Variants in ZNF385D observed in about 807,000 individuals in gnomAD.
The protein encoded by ZNF385D is zinc finger protein 659.
A neutral mutation model predicts 35.8 loss-of-function variants in ZNF385D; 15 were observed. The observed-to-expected ratio is 0.42, with a 90% CI of 0.28 to 0.64. ZNF385D has a LOEUF of 0.64. ZNF385D is among the 30% of genes least tolerant of loss of function. The pLI, the probability that ZNF385D is intolerant of heterozygous loss-of-function variation, is 0.23. For synonymous variants in ZNF385D, 212 were observed against 186.8 expected, an observed-to-expected ratio of 1.13 and a Z score of -1.10; for missense variants, 474 against 494.6, an observed-to-expected ratio of 0.96 and a Z score of 0.39.
intron 3 of ZNF385D, among the ~76,000 whole-genome samples, chr3:21,969,112 A>C (rs1439192323): frequency 6.6e-6 from 1 of 152,130 alleles, no homozygotes; most frequent in Non-Finnish European, 1.5e-5. Context: ...TGGTGGTCAT[A>C]GGGAGAGACT....
At chr3:22,271,112 A>G (rs1434643497) in intron 2 of ZNF385D, among the ~76,000 whole-genome samples, 2 of 151,976 alleles carry the variant, frequency 1.3e-5, no homozygotes, top group Non-Finnish European at 2.9e-5. Context: ...CCATCTATCC[A>G]TAAATTCAGT....
Position 21,732,030 on chromosome 3 carries a change from G to GTTTTTTTTTTT in ZNF385D, c.22+18854_22+18864dup, listed in dbSNP as rs1214143626. Among the ~76,000 whole-genome samples, 10 of 37,370 alleles carry GTTTTTTTTTTT rather than the reference G, an allele frequency of 2.7e-4. 1 individual carries two copies. Among genetic ancestry groups the GTTTTTTTTTTT allele is most frequent in the East Asian group, 1.7e-3 (2 of 1,188 alleles). The allele number at this position is 37,370 out of a possible 152,430, so 24.5% of individuals were successfully genotyped here. A position where few individuals can be genotyped will look rare whatever the true frequency, so the allele number is the denominator to read the frequency against. On this transcript the variant is annotated intron_variant, in intron 1 of 7. Transcript: ENST00000281523. ...TTCAGGGTTTTTTTCTTTTTTCGGG[G>GTTTTTTTTTTT]TTTTTTTTTTTTTTTTTTTTTTTTT...
intron 2 of ZNF385D, among the ~76,000 whole-genome samples, chr3:21,610,778 C>CAAA (rs71266438): frequency 2.4e-5 from 3 of 126,650 alleles, no homozygotes; most frequent in African/African-American, 3.5e-5. Flanking sequence ...CCGTCCCCCC[C>CAAA]AAAAAAAAAA....
At chr3:21,800,036 T>C (rs1182407849) in intron 3 of ZNF385D, among the ~76,000 whole-genome samples, 1 of 152,184 alleles carries the variant, frequency 6.6e-6, no homozygotes, top group Non-Finnish European at 1.5e-5. Context: ...TCTTTATTCT[T>C]GTTAAAAATC....
Position 21,663,406 on chromosome 3 carries a change from G to A in ZNF385D, c.165+1480C>T, listed in dbSNP as rs558986342. ...CCTAAAATGCTCTTAAGCTGACATG[G>A]GACCGCAGTGATGGGATGCCAAGTG... is the stretch of plus-strand genomic sequence containing the variant. On this transcript the variant is annotated intron_variant, in intron 2 of 7. Coordinates refer to ENST00000281523, the MANE Select transcript of ZNF385D (RefSeq NM_024697.3). Among the ~76,000 whole-genome samples the A allele has an allele frequency of 2.0e-5, 3 of 152,138 alleles. No homozygotes were observed. The East Asian group carries it at 5.8e-4, about 30-fold the overall frequency.
At chr3:21,421,885 T>G (rs532156871) in intron 7 of ZNF385D, among the ~76,000 whole-genome samples, 1 of 152,302 alleles carries the variant, frequency 6.6e-6, no homozygotes, top group East Asian at 1.9e-4. Flanking sequence ...ATAGAGAATG[T>G]TGTTTCCAAT....
intron 3 of ZNF385D, among the ~76,000 whole-genome samples, chr3:22,138,950 T>A (rs1033069252): frequency 3.3e-5 from 5 of 152,134 alleles, no homozygotes; most frequent in African/African-American, 9.6e-5. Flanking sequence ...GAATCTACAA[T>A]GAACTCCAAC....
chr3:21,854,017 G>C (rs1220268024), intron 3 of ZNF385D, among the ~76,000 whole-genome samples: 1 of 151,806 alleles, frequency 6.6e-6, no homozygotes, highest in Non-Finnish European at 1.5e-5. Flanking sequence ...GTGATTAAAA[G>C]GGCATATACA....
intron 3 of ZNF385D, among the ~76,000 whole-genome samples, chr3:21,765,566 T>G (rs940566793): frequency 2.6e-5 from 4 of 151,696 alleles, no homozygotes; most frequent in Admixed American, 2.6e-4. Flanking sequence ...TGTCAATTGG[T>G]GATGGGCCCC....
intron 3 of ZNF385D, among the ~76,000 whole-genome samples, chr3:22,035,774 T>C (rs1041729881): frequency 1.3e-5 from 2 of 152,282 alleles, no homozygotes; most frequent in African/African-American, 2.4e-5. Flanking sequence ...AGATGCAGAA[T>C]GTAGACTCCA....
intron 3 of ZNF385D, among the ~76,000 whole-genome samples, chr3:21,936,402 T>C (rs2125260570): frequency 6.6e-6 from 1 of 152,068 alleles, no homozygotes; most frequent in South Asian, 2.1e-4. Context: ...ATTTTTTTTT[T>C]TTGGCTATGT....
At position 22,142,763 on chromosome 3, in the gene ZNF385D, T is replaced by A. The variant is rs185932487; in HGVS notation, c.325+26054A>T. The stretch of plus-strand genomic sequence containing the variant: ...TGGAGTTTATTTCCCAGCTTCCTCC[T>A]TGTAGGTCACATGGGTCTGCCTGTT... On this transcript the variant is annotated intron_variant, in intron 3 of 5. Transcript: ENST00000494108. 3.9e-3 allele frequency among the ~76,000 whole-genome samples: 598 copies of A among 152,222 alleles called. 1 individual carries two copies. The highest frequency in any genetic ancestry group is 6.6e-3 in the Non-Finnish European group (452 of 68,002).
At chr3:21,869,614 C>T (rs181096371) in intron 3 of ZNF385D, among the ~76,000 whole-genome samples, 198 of 152,188 alleles carry the variant, frequency 1.3e-3, no homozygotes, top group Admixed American at 2.7e-3. Context: ...AAATGTATTA[C>T]ATGTTCTAAG....
chr3:21,926,275 C>T (rs1700722507), intron 3 of ZNF385D, among the ~76,000 whole-genome samples: 2 of 151,668 alleles, frequency 1.3e-5, no homozygotes. Flanking sequence ...CTAATGCTAT[C>T]CCTCCCCTAG....
rs1168729541 is a variant in ZNF385D, at chr3:22,348,485, T to TAAAAAAAAAAAA, written c.106+23953_106+23964dup. 9.2e-4 allele frequency among the ~76,000 whole-genome samples: 78 copies of TAAAAAAAAAAAA among 84,850 alleles called. No homozygotes were observed. The East Asian group carries it at 9.7e-3, about 11-fold the overall frequency. The allele number at this position is 84,850 out of a possible 152,430, so 55.7% of individuals were successfully genotyped here. A position where few individuals can be genotyped will look rare whatever the true frequency, so the allele number is the denominator to read the frequency against. On this transcript the variant is annotated intron_variant, in intron 2 of 5. Coordinates refer to the ZNF385D transcript ENST00000494108. ...CAACATGGAGAAACTCCATCTCTAC[T>TAAAAAAAAAAAA]AAAAAAAAAAAAAAAAAAAAAATAC...
At chr3:22,295,107 G>T (rs891735698) in intron 2 of ZNF385D, among the ~76,000 whole-genome samples, 8 of 152,030 alleles carry the variant, frequency 5.3e-5, no homozygotes, top group South Asian at 4.1e-4. Context: ...GAATGAAAAA[G>T]TCATCATGCT....
chr3:21,866,486 G>A (rs973257997), intron 3 of ZNF385D, among the ~76,000 whole-genome samples: 16 of 152,102 alleles, frequency 1.1e-4, no homozygotes, highest in Admixed American at 2.0e-4. Flanking sequence ...GGTTTTATGA[G>A]GGCACCGCTA....
intron 3 of ZNF385D, among the ~76,000 whole-genome samples, chr3:21,886,795 T>C (rs1381968760): frequency 2.6e-5 from 4 of 152,142 alleles, no homozygotes; most frequent in African/African-American, 7.2e-5. Context: ...GAAAATCTAA[T>C]AAAGAGTTGT....
chr3:21,840,148 A>G (rs1169440788), intron 3 of ZNF385D, among the ~76,000 whole-genome samples: 1 of 152,088 alleles, frequency 6.6e-6, no homozygotes, highest in Non-Finnish European at 1.5e-5. Context: ...AATAAATTCA[A>G]TGATGTTTTA....
Sources: allele counts gnomAD v4.1 joint callset (sites outside exome capture counted in the v4.1 genomes callset), GRCh38; gene constraint gnomAD v4.1.1; transcripts MANE v1.5; gene names NCBI Gene and HGNC (gene_info 2026-07-23, HGNC 2026-07-21).